Variants in ASCC1 observed in about 807,000 individuals in gnomAD.
ASCC1 encodes the protein ASC-1 complex subunit P50.
ASCC1 carries 35 observed loss-of-function variants against 46.6 expected under a neutral mutation model. That is an observed-to-expected ratio of 0.75 (90% CI 0.57 to 0.99). ASCC1 has a LOEUF of 0.99. Among genes scored for constraint, ASCC1 ranks in the 50% least tolerant of loss-of-function variants. The probability of loss-of-function intolerance (pLI) is 0.00; values close to 1 mark genes in which losing one functional copy is unlikely to be tolerated. For missense variants in ASCC1, 376 were observed against 428.7 expected (o/e 0.88, Z 1.09); for synonymous variants, 143 against 146.6 (o/e 0.98, Z 0.18).
At chr10:72,216,867 A>G (rs1230141332), upstream of ASCC1, 1 of 455,998 alleles carries the variant, frequency 2.2e-6, no homozygotes. Flanking sequence ...TATTTGTTTG[A>G]CAAAATTTTA....
intron 5 of ASCC1, among the ~76,000 whole-genome samples, chr10:72,171,753 C>T (rs780621753): frequency 7.2e-5 from 11 of 152,306 alleles, no homozygotes; most frequent in Non-Finnish European, 1.5e-4. Flanking sequence ...ACATCCTTAA[C>T]TTTATCACAT....
intron 9 of ASCC1, among the ~76,000 whole-genome samples, chr10:72,107,003 G>C (rs371709141): frequency 6.6e-6 from 1 of 152,140 alleles, no homozygotes; most frequent in Non-Finnish European, 1.5e-5. Flanking sequence ...AGCAAAGAAT[G>C]AGGAGCAAAT....
intron 3 of ASCC1, 67 bp downstream of exon 3, chr10:72,210,665 A>G: frequency 7.6e-7 from 1 of 1,314,970 alleles, no homozygotes; most frequent in South Asian, 1.2e-5. Flanking sequence ...TGGAAGACCA[A>G]AGGGTCCACT....
chr10:72,151,300 T>C (rs1337486858), intron 7 of ASCC1, among the ~76,000 whole-genome samples: 1 of 152,170 alleles, frequency 6.6e-6, no homozygotes, highest in Non-Finnish European at 1.5e-5. Flanking sequence ...TTTGTGGACA[T>C]GGATGAAGCT....
At chr10:72,104,027 G>C (rs1842081705) in intron 9 of ASCC1, among the ~76,000 whole-genome samples, 1 of 152,072 alleles carries the variant, frequency 6.6e-6, no homozygotes. Context: ...TTATTAATCT[G>C]ACTTTTGTTA....
rs1157135394 is a variant in ASCC1 at position 72,138,584 on chromosome 10, TTTTC to T, written c.747-5407_747-5404del. On this transcript the variant is annotated intron_variant, in intron 7 of 9. Coordinates refer to ENST00000672957, the MANE Select transcript of ASCC1 (RefSeq NM_001198800.3). ...CTACAGGCAGCCTGTGCTGTTTCCT[TTTTC>T]TTTCTTTCTTTCTTTTTTTTTTTTT... 1.7e-3 allele frequency among the ~76,000 whole-genome samples: 260 copies of T among 150,278 alleles called. 3 individuals carry two copies. The highest frequency in any genetic ancestry group is 5.4e-3 in the African/African-American group (217 of 40,134).
Position 72,171,642 on chromosome 10 carries a change from C to T in ASCC1, c.490-9968G>A, listed in dbSNP as rs751181372. ...ATGTTGGCCAGGCTGATCTCGAACT[C>T]CTGACCTCAAGTGATCTGCCCACCT... On this transcript the variant is annotated intron_variant, in intron 5 of 9. Transcript: ENST00000672957. Among the ~76,000 whole-genome samples the T allele has an allele frequency of 4.5e-4, 69 of 152,182 alleles. 1 individual carries two copies. The highest frequency in any genetic ancestry group is 1.2e-4 in the Non-Finnish European group (8 of 68,014).
chr10:72,160,740 T>C (rs925549935), intron 6 of ASCC1, among the ~76,000 whole-genome samples: 5 of 149,762 alleles, frequency 3.3e-5, no homozygotes, highest in African/African-American at 1.2e-4. Flanking sequence ...AAAAGTTTTA[T>C]TTTTTAAAAT....
At chr10:72,161,097 A>G (rs1333470241) in intron 6 of ASCC1, among the ~76,000 whole-genome samples, 1 of 151,886 alleles carries the variant, frequency 6.6e-6, no homozygotes, top group Non-Finnish European at 1.5e-5. Flanking sequence ...AACAAAAAAA[A>G]AGAAAGTAAG....
chr10:72,102,345 C>A, intron 9 of ASCC1: 1 of 1,549,378 alleles, frequency 6.5e-7, no homozygotes. Flanking sequence ...CACTAGCTCT[C>A]TGTGTCCCAA....
At chr10:72,187,505 G>A (rs543139925) in intron 5 of ASCC1, among the ~76,000 whole-genome samples, 30 of 151,480 alleles carry the variant, frequency 2.0e-4, no homozygotes, top group Admixed American at 5.9e-4. Flanking sequence ...CGGATCACGA[G>A]GTCAGGAGAT....
chr10:72,161,875 G>GACT (rs1327606979), intron 5 of ASCC1, among the ~76,000 whole-genome samples: 2 of 152,100 alleles, frequency 1.3e-5, no homozygotes, highest in Admixed American at 6.6e-5. Context: ...AATAAAGATA[G>GACT]ACTACTACCT....
chr10:72,108,226 G>GCCA (rs1160367743), intron 9 of ASCC1, among the ~76,000 whole-genome samples: 1 of 151,894 alleles, frequency 6.6e-6, no homozygotes, highest in Admixed American at 6.6e-5. Context: ...ACAGGTGCAT[G>GCCA]CCACCATGCC....
At chr10:72,181,836 C>T (rs1429847402) in intron 5 of ASCC1, among the ~76,000 whole-genome samples, 1 of 152,022 alleles carries the variant, frequency 6.6e-6, no homozygotes, top group Non-Finnish European at 1.5e-5. Context: ...TAAACGTGTG[C>T]CACCACACCC....
At chr10:72,210,440 G>A (rs1274642505) in intron 3 of ASCC1, among the ~76,000 whole-genome samples, 2 of 152,100 alleles carry the variant, frequency 1.3e-5, no homozygotes, top group East Asian at 1.9e-4. Flanking sequence ...GATTACAGGC[G>A]TGAGCCACCG....
chr10:72,103,138 T>C (rs1221839635), intron 9 of ASCC1, among the ~76,000 whole-genome samples: 2 of 151,622 alleles, frequency 1.3e-5, no homozygotes, highest in Non-Finnish European at 2.9e-5. Flanking sequence ...TGTTTTTTTT[T>C]CCTTTTTTTT....
At chr10:72,156,826 G>GA (rs986909396) in intron 6 of ASCC1, among the ~76,000 whole-genome samples, 1 of 151,418 alleles carries the variant, frequency 6.6e-6, no homozygotes, top group Admixed American at 6.6e-5. Flanking sequence ...AAGACAGCTG[G>GA]AAAAAAAGGA....
Position 72,097,250 on chromosome 10 carries a change from T to A in ASCC1, c.*84A>T, listed in dbSNP as rs186426846. The A allele has an allele frequency of 1.0e-6, 1 of 959,626 alleles. No individual in the cohort carries two copies. Among genetic ancestry groups the A allele is most frequent in the Admixed American group, 1.7e-5 (1 of 58,334 alleles). The allele number at this position is 959,626 out of a possible 1,614,324, so 59.4% of individuals were successfully genotyped here. ...GAAAGTCACCATCCAAATGTCCACA[T>A]CCCTGCTTGGCAATTAAAACGAAGA... is the stretch of plus-strand genomic sequence containing the variant. On this transcript the variant is annotated 3_prime_UTR_variant, in exon 10 of 10. Transcript: ENST00000672957.
At chr10:72,100,268 AC>A (rs1790258018) in intron 9 of ASCC1, among the ~76,000 whole-genome samples, 1 of 148,250 alleles carries the variant, frequency 6.7e-6, no homozygotes, top group African/African-American at 2.5e-5. Context: ...TCTCTCTGTC[AC>A]CCCGGCTGGA....
Sources: gnomAD v4.1 joint callset for allele counts (sites outside exome capture counted in the v4.1 genomes callset) on GRCh38, gnomAD v4.1.1 for gene constraint, MANE v1.5 for transcripts, NCBI Gene and HGNC (gene_info 2026-07-23, HGNC 2026-07-21) for gene names.